Variants in DEUP1 observed in about 807,000 individuals in gnomAD.
DEUP1 encodes deuterosome assembly protein 1.
Under a neutral mutation model 87.4 loss-of-function variants are expected in DEUP1, and 82 were observed. That is an observed-to-expected ratio of 0.94 (90% CI 0.78 to 1.13). The LOEUF (loss-of-function observed/expected upper bound fraction) is 1.13. Among genes scored for constraint, DEUP1 ranks in the 50% most tolerant of loss-of-function variants. The probability of loss-of-function intolerance (pLI) is 0.00; values close to 1 mark genes in which losing one functional copy is unlikely to be tolerated. For synonymous variants in DEUP1, 214 were observed against 222.7 expected (o/e 0.96, Z 0.35); for missense variants, 663 against 681.5 (o/e 0.97, Z 0.30).
chr11:93,336,868 C>T (rs1372295396), intron 2 of DEUP1, among the ~76,000 whole-genome samples: 1 of 152,122 alleles, frequency 6.6e-6, no homozygotes, highest in Non-Finnish European at 1.5e-5. Flanking sequence ...TTATTTTTAT[C>T]CTTCTAGGTT....
chr11:93,379,864 G>A (rs1946217254), intron 7 of DEUP1, among the ~76,000 whole-genome samples: 2 of 152,098 alleles, frequency 1.3e-5, no homozygotes, highest in South Asian at 2.1e-4. Flanking sequence ...ATTTATTAAT[G>A]TTCCTGAATA....
intron 11 of DEUP1, 46 bp from the exon 12 acceptor site, chr11:93,408,185 C>A (rs1398902593): frequency 3.0e-6 from 4 of 1,327,818 alleles, no homozygotes; most frequent in Middle Eastern, 1.9e-4. Context: ...ATATGCATTA[C>A]TTATAAGGGG....
At chr11:93,376,039 T>TCCCTG (rs1422026764) in intron 7 of DEUP1, among the ~76,000 whole-genome samples, 1 of 152,196 alleles carries the variant, frequency 6.6e-6, no homozygotes, top group Non-Finnish European at 1.5e-5. Context: ...AACCTCTGCC[T>TCCCTG]CCCTGGTTCA....
At chr11:93,388,376 A>C (rs2134335812) in intron 8 of DEUP1, among the ~76,000 whole-genome samples, 1 of 152,178 alleles carries the variant, frequency 6.6e-6, no homozygotes, top group East Asian at 1.9e-4. Flanking sequence ...TGTTTTTGTG[A>C]TTTTTATTTC....
At chr11:93,353,810 C>T (rs59944013) in intron 2 of DEUP1, among the ~76,000 whole-genome samples, 235 of 152,328 alleles carry the variant, frequency 1.5e-3, no homozygotes, top group African/African-American at 5.2e-3. Context: ...AGTCCCTAGG[C>T]TGCACACGGC....
chr11:93,354,450 G>A (rs1387147853), intron 2 of DEUP1, among the ~76,000 whole-genome samples: 1 of 152,080 alleles, frequency 6.6e-6, no homozygotes, highest in East Asian at 1.9e-4. Context: ...TTCCAAAGTT[G>A]CTTCCACATT....
At position 93,389,044 on chromosome 11, in the gene DEUP1, T is replaced by C; in HGVS notation, c.960T>C (p.Ser320=). 1 of 1,584,118 alleles carries C rather than the reference T, an allele frequency of 6.3e-7. No individual in the cohort carries two copies. The highest frequency in any genetic ancestry group is 8.6e-7 in the Non-Finnish European group (1 of 1,159,840). ...KTRLESSYLP[S]IKEPERKIKE... is the part of the protein sequence containing the mutation. ...GACTTGAATCATCTTATTTGCCTTC[T>C]ATTAAAGAACCAGAAAGGAAAATAA... Residue 320 remains serine (S), a synonymous_variant, in exon 9 of 14, where the codon TCT becomes TCC. Coordinates refer to ENST00000298050, the MANE Select transcript of DEUP1 (RefSeq NM_181645.4).
chr11:93,437,889 C>A lies in DEUP1; in HGVS notation c.*170C>A. 1 of 518,002 alleles carries A rather than the reference C, an allele frequency of 1.9e-6. No individual in the cohort carries two copies. Among genetic ancestry groups the A allele is most frequent in the Non-Finnish European group, 3.5e-6 (1 of 287,484 alleles). The allele number at this position is 518,002 out of a possible 1,614,324, so 32.1% of individuals were successfully genotyped here. On this transcript the variant is annotated 3_prime_UTR_variant, in exon 14 of 14. Transcript: ENST00000298050. ...ATAGTAAGTATTTTGTTCTATAAAG[C>A]TGTTCACATTTCTGCATTAACATGC...
Position 93,357,518 on chromosome 11 carries a change from A to G in DEUP1, c.297+475A>G, listed in dbSNP as rs117196791. On this transcript the variant is annotated intron_variant, in intron 4 of 13. Transcript: ENST00000298050. ...TTCTTACATGATAGTGCTTCTGCAT[A>G]TGTATTGAGAAGGATACAGATTTCT... The G allele has an allele frequency of 3.7e-3, 569 of 153,892 alleles. 3 individuals are homozygous for G. The highest frequency in any genetic ancestry group is 4.4e-3 in the Admixed American group (68 of 15,380). 9.5% of individuals were successfully genotyped at this position (153,892 alleles called of 1,614,324 possible).
chr11:93,372,920 GC>G (rs1945813510), intron 7 of DEUP1, among the ~76,000 whole-genome samples: 1 of 152,170 alleles, frequency 6.6e-6, no homozygotes, highest in Non-Finnish European at 1.5e-5. Flanking sequence ...CTTAGCATCA[GC>G]CCACCTCCGA....
At chr11:93,353,336 GCC>G (rs982558578) in intron 2 of DEUP1, among the ~76,000 whole-genome samples, 1 of 152,160 alleles carries the variant, frequency 6.6e-6, no homozygotes, top group African/African-American at 2.4e-5. Flanking sequence ...GGGGAGCTCT[GCC>G]CCTGTGGCTT....
intron 7 of DEUP1, 116 bp downstream of exon 7, chr11:93,371,396 C>T: frequency 9.0e-7 from 1 of 1,108,154 alleles, no homozygotes; most frequent in Non-Finnish European, 1.3e-6. Flanking sequence ...TGTGAAGATT[C>T]CATTCATATT....
chr11:93,345,094 G>A (rs1400041384), intron 2 of DEUP1, among the ~76,000 whole-genome samples: 1 of 152,112 alleles, frequency 6.6e-6, no homozygotes, highest in Non-Finnish European at 1.5e-5. Context: ...CCACTTATAA[G>A]TGAGAACATG....
intron 2 of DEUP1, chr11:93,352,617 T>C: frequency 1.7e-6 from 1 of 577,428 alleles, no homozygotes. Context: ...AAGATGTACC[T>C]GAGACTGGGA....
intron 12 of DEUP1, among the ~76,000 whole-genome samples, chr11:93,414,414 GGA>G (rs1947541369): frequency 6.6e-6 from 1 of 152,128 alleles, no homozygotes. Context: ...TCAGGAGACA[GGA>G]GAGTCTCTTG....
chr11:93,352,371 T>G (rs10831029), intron 2 of DEUP1: 185,621 of 701,752 alleles, frequency 0.26, 26,589 homozygotes, highest in South Asian at 0.4. Flanking sequence ...ACCAGCTCCC[T>G]GGAGAATGCT....
chr11:93,409,594 C>T (rs763491519), intron 12 of DEUP1, among the ~76,000 whole-genome samples: 3 of 152,214 alleles, frequency 2.0e-5, no homozygotes, highest in South Asian at 2.1e-4. Context: ...TGCCAAGAAA[C>T]GGCAGATTAG....
intron 2 of DEUP1, among the ~76,000 whole-genome samples, chr11:93,348,408 G>A (rs1944467223): frequency 6.6e-6 from 1 of 151,984 alleles, no homozygotes; most frequent in South Asian, 2.1e-4. Flanking sequence ...TGATTCCCTA[G>A]TTATTTTAGT....
intron 9 of DEUP1, among the ~76,000 whole-genome samples, chr11:93,390,652 A>G (rs1946737533): frequency 6.6e-6 from 1 of 152,240 alleles, no homozygotes; most frequent in South Asian, 2.1e-4. Context: ...TTTGAGTAAT[A>G]TAAAGAATCT....
Sources: allele counts gnomAD v4.1 joint callset (sites outside exome capture counted in the v4.1 genomes callset), GRCh38; gene constraint gnomAD v4.1.1; transcripts MANE v1.5; gene names NCBI Gene and HGNC (gene_info 2026-07-23, HGNC 2026-07-21).